Variants in SH3RF3 observed in about 807,000 individuals in gnomAD.
SH3RF3 encodes the protein E3 ubiquitin-protein ligase SH3RF3.
A neutral mutation model predicts 66.3 loss-of-function variants in SH3RF3; 29 were observed. The observed-to-expected ratio is 0.44, with a 90% CI of 0.33 to 0.60. SH3RF3 has a LOEUF of 0.60. Among genes scored for constraint, SH3RF3 ranks in the 20% least tolerant of loss-of-function variants. The pLI is 0.04. For missense variants in SH3RF3, 1,194 were observed against 1,190.9 expected, an observed-to-expected ratio of 1.00 and a Z score of -0.04; for synonymous variants, 583 against 532.0, an observed-to-expected ratio of 1.10 and a Z score of -1.32.
At chr2:109,453,012 T>C (rs1677931664) in intron 8 of SH3RF3, among the ~76,000 whole-genome samples, 1 of 151,712 alleles carries the variant, frequency 6.6e-6, no homozygotes. Flanking sequence ...CCCGGGAAAC[T>C]GGTCCCCGGG....
At chr2:109,309,224 T>C (rs1681670415) in intron 1 of SH3RF3, among the ~76,000 whole-genome samples, 2 of 141,086 alleles carry the variant, frequency 1.4e-5, no homozygotes, top group Admixed American at 7.1e-5. Flanking sequence ...GGCTCTCTGT[T>C]TGTCTGTTGT....
At chr2:109,230,415 A>G (rs1034201046) in intron 1 of SH3RF3, among the ~76,000 whole-genome samples, 3 of 139,930 alleles carry the variant, frequency 2.1e-5, no homozygotes, top group African/African-American at 7.8e-5. Context: ...CATCTTTACT[A>G]AAAAAAATGG....
intron 8 of SH3RF3, among the ~76,000 whole-genome samples, chr2:109,489,732 T>C (rs568540034): frequency 1.6e-5 from 2 of 125,018 alleles, no homozygotes; most frequent in African/African-American, 6.0e-5. Flanking sequence ...GGACAAGGTT[T>C]TTTTTGGCGG....
intron 7 of SH3RF3, among the ~76,000 whole-genome samples, chr2:109,447,163 AAAAAAGAAAAG>A (rs1200828331): frequency 2.0e-5 from 3 of 151,158 alleles, no homozygotes; most frequent in Non-Finnish European, 4.4e-5. Flanking sequence ...AAAAAAAAAA[AAAAAAGAAAAG>A]AAAAAGAAAA....
At chr2:109,213,646 G>A (rs572416249) in intron 1 of SH3RF3, among the ~76,000 whole-genome samples, 1 of 152,230 alleles carries the variant, frequency 6.6e-6, no homozygotes, top group South Asian at 2.1e-4. Context: ...GCAGCAAACT[G>A]TGTGTCTACA....
intron 1 of SH3RF3, among the ~76,000 whole-genome samples, chr2:109,158,678 T>C (rs1677412501): frequency 1.3e-5 from 2 of 152,194 alleles, no homozygotes; most frequent in South Asian, 4.1e-4. Flanking sequence ...GATAAGAGAT[T>C]TGAGGATTTC....
intron 1 of SH3RF3, among the ~76,000 whole-genome samples, chr2:109,318,604 C>T (rs939386796): frequency 6.6e-6 from 1 of 152,188 alleles, no homozygotes; most frequent in Non-Finnish European, 1.5e-5. Flanking sequence ...CTGAGGGGAT[C>T]GTCTCATGCT....
At chr2:109,496,610 C>T (rs951877797) in intron 9 of SH3RF3, among the ~76,000 whole-genome samples, 1 of 152,324 alleles carries the variant, frequency 6.6e-6, no homozygotes, top group East Asian at 1.9e-4. Context: ...ATGTTCACAT[C>T]GGATCAGCTC....
At chr2:109,164,186 C>CT (rs1361266067) in intron 1 of SH3RF3, among the ~76,000 whole-genome samples, 2 of 151,350 alleles carry the variant, frequency 1.3e-5, no homozygotes, top group East Asian at 3.9e-4. Context: ...TTTTCTTTTA[C>CT]TTTTTTTAAA....
chr2:109,249,743 G>A (rs191951841), intron 1 of SH3RF3, among the ~76,000 whole-genome samples: 1 of 151,600 alleles, frequency 6.6e-6, no homozygotes, highest in South Asian at 2.1e-4. Context: ...CGCAAGCTCC[G>A]CCTTCCAGGT....
intron 1 of SH3RF3, among the ~76,000 whole-genome samples, chr2:109,199,602 T>TCAAC (rs1558953936): frequency 0.018 from 6 of 338 alleles, no homozygotes; most frequent in Admixed American, 0.031. Context: ...TGGAATGGAA[T>TCAAC]GGAATGGAAT....
chr2:109,400,372 A>G (rs1676273512), intron 4 of SH3RF3, among the ~76,000 whole-genome samples: 1 of 152,122 alleles, frequency 6.6e-6, no homozygotes, highest in African/African-American at 2.4e-5. Flanking sequence ...ATCCACATGC[A>G]CACCTACACA....
At chr2:109,213,054 A>G (rs1679027523) in intron 1 of SH3RF3, among the ~76,000 whole-genome samples, 1 of 152,222 alleles carries the variant, frequency 6.6e-6, no homozygotes, top group Admixed American at 6.5e-5. Context: ...TGGAGGATGC[A>G]GTCCTGGGAA....
chr2:109,141,574 C>T (rs941948215), intron 1 of SH3RF3: 2 of 154,932 alleles, frequency 1.3e-5, no homozygotes, highest in Admixed American at 1.3e-4. Context: ...TAGGCTGAAG[C>T]TCCAACCCAC....
intron 1 of SH3RF3, among the ~76,000 whole-genome samples, chr2:109,319,996 G>C (rs1349573251): frequency 6.6e-6 from 1 of 152,182 alleles, no homozygotes; most frequent in East Asian, 1.9e-4. Context: ...AGTGGGGGGT[G>C]CTATTCTGGA....
intron 8 of SH3RF3, among the ~76,000 whole-genome samples, chr2:109,477,780 C>T (rs1188103823): frequency 1.3e-5 from 2 of 152,200 alleles, no homozygotes; most frequent in South Asian, 2.1e-4. Flanking sequence ...ACCGTGTCCT[C>T]ACGTGGTCAA....
chr2:109,472,433 G>GCGGGGCTTCCCGA (rs1169247691), intron 8 of SH3RF3, among the ~76,000 whole-genome samples: 5 of 152,306 alleles, frequency 3.3e-5, no homozygotes, highest in East Asian at 3.9e-4. Context: ...TGCAGAGCTT[G>GCGGGGCTTCCCGA]CGGGGCTTCC....
intron 1 of SH3RF3, among the ~76,000 whole-genome samples, chr2:109,240,548 A>G (rs1325022414): frequency 6.6e-6 from 1 of 152,212 alleles, no homozygotes; most frequent in East Asian, 1.9e-4. Context: ...GGTCCCTATC[A>G]GTAGCAGAGT....
At chr2:109,373,642 G>A (rs751882792) in intron 3 of SH3RF3, among the ~76,000 whole-genome samples, 3 of 152,150 alleles carry the variant, frequency 2.0e-5, no homozygotes, top group Non-Finnish European at 2.9e-5. Flanking sequence ...AGTGACCTTG[G>A]GGATTCTGAC....
Sources: gnomAD v4.1 joint callset for allele counts (sites outside exome capture counted in the v4.1 genomes callset) on GRCh38, gnomAD v4.1.1 for gene constraint, MANE v1.5 for transcripts, NCBI Gene and HGNC (gene_info 2026-07-23, HGNC 2026-07-21) for gene names.